Variants in HEATR5B observed in about 807,000 individuals in gnomAD.
HEATR5B encodes HEAT repeat-containing protein 5B.
Under a neutral mutation model 224.1 loss-of-function variants are expected in HEATR5B, and 156 were observed. That is an observed-to-expected ratio of 0.70 (90% CI 0.61 to 0.80). HEATR5B has a LOEUF of 0.80. Ranked by LOEUF, HEATR5B falls within the 30% of genes least tolerant of loss-of-function variation. The pLI is 0.00. For missense variants in HEATR5B, 2,323 were observed against 2,535.5 expected, an observed-to-expected ratio of 0.92 and a Z score of 1.80; for synonymous variants, 1,027 against 893.0, an observed-to-expected ratio of 1.15 and a Z score of -2.68.
intron 27 of HEATR5B, among the ~76,000 whole-genome samples, chr2:37,011,551 CTTTGT>C (rs1667788306): frequency 6.6e-6 from 1 of 152,082 alleles, no homozygotes; most frequent in Non-Finnish European, 1.5e-5. Context: ...CATATTCTAT[CTTTGT>C]AAGTTATAAT....
chr2:37,073,952 T>C (rs983087536), intron 5 of HEATR5B, among the ~76,000 whole-genome samples: 13 of 152,180 alleles, frequency 8.5e-5, no homozygotes, highest in Non-Finnish European at 1.5e-4. Context: ...AAATTATACC[T>C]ACACATATAC....
chr2:37,003,093 A>G (rs929411680), intron 31 of HEATR5B, among the ~76,000 whole-genome samples: 28 of 151,762 alleles, frequency 1.8e-4, no homozygotes, highest in Non-Finnish European at 4.0e-4. Flanking sequence ...TGTCTCCACT[A>G]AAAATACAAA....
rs969316703 is a variant in HEATR5B, at chr2:37,052,902, A to T, written c.2505+600T>A. Among the ~76,000 whole-genome samples the T allele has an allele frequency of 3.3e-5, 5 of 152,380 alleles. No homozygotes were observed. The South Asian group carries it at 1.0e-3, about 32-fold the overall frequency. ...CAGAATGTTGCACAATTGAAAACTT[A>T]TAAATTATTTCGGGAAATTTCCATT... On this transcript the variant is annotated intron_variant, in intron 17 of 35. Transcript: ENST00000233099.
Position 36,981,569 on chromosome 2 carries a change from T to G in HEATR5B, c.6137A>C (p.Lys2046Thr). Residue 2046 changes from lysine (K) to threonine (T), a missense_variant, in exon 36 of 36, where the codon AAA (lysine) becomes ACA (threonine). Physicochemically the swap from Lys to Thr is moderately conservative, Grantham distance 78. Transcript: ENST00000233099. The stretch of plus-strand genomic sequence containing the variant: ...TGGTTGTCTGGCAGCCGCTTTAGCT[T>G]TGCTCGCTTGGCTTGCTCGAACGGC... ...ETAVRASQAS[K>T]AKAAARQPAP... is the part of the protein sequence containing the mutation. 6.2e-7 allele frequency: 1 copy of G among 1,614,216 alleles called. No individual in the cohort carries two copies. Among genetic ancestry groups the G allele is most frequent in the Non-Finnish European group, 8.5e-7 (1 of 1,180,028 alleles).
chr2:37,028,544 A>C (rs1668923029), intron 23 of HEATR5B, 137 bp downstream of exon 23: 1 of 624,846 alleles, frequency 1.6e-6, no homozygotes, highest in African/African-American at 1.9e-5. Flanking sequence ...ATTTTGACAG[A>C]GATTTGTAGA....
At chr2:36,989,793 C>G (rs1030350397) in intron 34 of HEATR5B, among the ~76,000 whole-genome samples, 1 of 151,700 alleles carries the variant, frequency 6.6e-6, no homozygotes, top group Non-Finnish European at 1.5e-5. Flanking sequence ...CTAAATATGG[C>G]TAGACACAAG....
chr2:37,013,816 C>A, intron 27 of HEATR5B, 25 bp downstream of exon 27: 2 of 1,508,672 alleles, frequency 1.3e-6, no homozygotes, highest in Non-Finnish European at 1.8e-6. Context: ...GGGTCAAAAA[C>A]AATAGATTGT....
chr2:37,024,620 G>T (rs549483951), intron 24 of HEATR5B, among the ~76,000 whole-genome samples: 57 of 152,194 alleles, frequency 3.7e-4, no homozygotes, highest in South Asian at 3.7e-3. Context: ...CAAGAATGAG[G>T]TATAATAAAC....
chr2:37,072,020 C>A (rs1671938659), intron 6 of HEATR5B, 90 bp downstream of exon 6: 2 of 1,036,756 alleles, frequency 1.9e-6, no homozygotes, highest in South Asian at 4.3e-5. Flanking sequence ...GACAAAGATA[C>A]CTAAAAATTT....
intron 21 of HEATR5B, among the ~76,000 whole-genome samples, chr2:37,033,038 A>T (rs1669235243): frequency 6.6e-6 from 1 of 151,694 alleles, no homozygotes; most frequent in Admixed American, 6.6e-5. Flanking sequence ...CTGCCACCAC[A>T]CCTGGCTAAT....
intron 33 of HEATR5B, among the ~76,000 whole-genome samples, chr2:36,998,292 G>C (rs1375733132): frequency 1.3e-5 from 2 of 152,094 alleles, no homozygotes; most frequent in Non-Finnish European, 2.9e-5. Flanking sequence ...ATTAAACATA[G>C]ACATGAAAAA....
intron 18 of HEATR5B, among the ~76,000 whole-genome samples, chr2:37,043,915 TA>T (rs1218484349): frequency 1.3e-5 from 2 of 152,212 alleles, no homozygotes; most frequent in East Asian, 3.8e-4. Context: ...CAGGTGAAAT[TA>T]TTTTTTTTAA....
chr2:37,015,755 A>G (rs1421475127), intron 26 of HEATR5B, among the ~76,000 whole-genome samples: 2 of 152,208 alleles, frequency 1.3e-5, no homozygotes, highest in African/African-American at 4.8e-5. Flanking sequence ...AGACTTGTGG[A>G]AAGATATTCA....
At chr2:37,064,679 C>G (rs764428019) in intron 10 of HEATR5B, 61 bp downstream of exon 10, 2 of 1,563,590 alleles carry the variant, frequency 1.3e-6, no homozygotes, top group African/African-American at 1.3e-5. Flanking sequence ...AACACAGCAG[C>G]GTTCCTATAA....
At chr2:37,040,034 G>A (rs1463102437) in intron 20 of HEATR5B, among the ~76,000 whole-genome samples, 1 of 152,138 alleles carries the variant, frequency 6.6e-6, no homozygotes. Context: ...AGCACTCTAG[G>A]CCAAAGGAAC....
At chr2:37,057,233 A>G (rs1208128807) in intron 15 of HEATR5B, 84 bp downstream of exon 15, 1 of 1,030,038 alleles carries the variant, frequency 9.7e-7, no homozygotes, top group East Asian at 2.7e-5. Flanking sequence ...CTTTCTATAC[A>G]CTATTTTCTT....
At chr2:37,038,994 C>G (rs1669704207) in intron 20 of HEATR5B, among the ~76,000 whole-genome samples, 1 of 150,592 alleles carries the variant, frequency 6.6e-6, no homozygotes, top group East Asian at 1.9e-4. Flanking sequence ...AAATATCTGT[C>G]AAAATGGAGG....
intron 22 of HEATR5B, among the ~76,000 whole-genome samples, chr2:37,031,343 T>C (rs898987790): frequency 5.9e-5 from 9 of 152,120 alleles, no homozygotes; most frequent in African/African-American, 2.2e-4. Context: ...TTTTATTAAA[T>C]ACATACGTTA....
intron 5 of HEATR5B, among the ~76,000 whole-genome samples, chr2:37,073,039 AAT>A (rs971474699): frequency 1.3e-5 from 2 of 152,230 alleles, no homozygotes; most frequent in Non-Finnish European, 2.9e-5. Flanking sequence ...GGTAAGAAAT[AAT>A]ACCAATTCTA....
Sources: allele counts gnomAD v4.1 joint callset (sites outside exome capture counted in the v4.1 genomes callset), GRCh38; gene constraint gnomAD v4.1.1; transcripts MANE v1.5; gene names NCBI Gene and HGNC (gene_info 2026-07-23, HGNC 2026-07-21).